Variants in ZDHHC2 observed in about 807,000 individuals in gnomAD.
ZDHHC2 encodes zDHHC palmitoyltransferase 2.
ZDHHC2 carries 51 observed loss-of-function variants against 55.6 expected under a neutral mutation model. That is an observed-to-expected ratio of 0.92 (90% CI 0.73 to 1.16). ZDHHC2 has a LOEUF of 1.16. ZDHHC2 is among the 50% of genes most tolerant of loss of function. The probability of loss-of-function intolerance (pLI) is 0.00; values close to 1 mark genes in which losing one functional copy is unlikely to be tolerated. For synonymous variants in ZDHHC2, 199 were observed against 152.9 expected (o/e 1.30, Z -2.22); for missense variants, 491 against 442.4 (o/e 1.11, Z -0.99).
Position 17,204,130 on chromosome 8 carries a change from T to G in ZDHHC2, c.477-1525T>G, listed in dbSNP as rs1806970920. On this transcript the variant is annotated intron_variant, in intron 6 of 12. Coordinates refer to ENST00000262096, the MANE Select transcript of ZDHHC2 (RefSeq NM_016353.5). ...CAACTTGTGGCTTCTTTATAAATTA[T>G]TTGCCCATATGTAAGACCTTTAAGT... is the stretch of plus-strand genomic sequence containing the variant. 3.3e-5 allele frequency among the ~76,000 whole-genome samples: 5 copies of G among 152,220 alleles called. No homozygotes were observed. In the South Asian group the frequency reaches 1.0e-3, roughly 31 times the overall value.
chr8:17,183,654 C>T (rs1367283676), intron 1 of ZDHHC2, among the ~76,000 whole-genome samples: 3 of 152,160 alleles, frequency 2.0e-5, no homozygotes. Context: ...GACACTATAA[C>T]ATCAAATATG....
chr8:17,180,368 T>A (rs973199388), intron 1 of ZDHHC2, among the ~76,000 whole-genome samples: 5 of 152,216 alleles, frequency 3.3e-5, no homozygotes, highest in African/African-American at 9.7e-5. Context: ...AAAAAGGCAA[T>A]TGACTTATAA....
intron 5 of ZDHHC2, 86 bp downstream of exon 5, chr8:17,197,737 A>G: frequency 7.3e-7 from 1 of 1,377,724 alleles, no homozygotes; most frequent in Non-Finnish European, 1.0e-6. Flanking sequence ...TTTCCTGATT[A>G]TCTTCTCCAT....
At position 17,205,672 on chromosome 8, in the gene ZDHHC2, G is replaced by C. The variant is rs1807062704; in HGVS notation, c.494G>C (p.Gly165Ala). ...HHCPWVNNCVGFSNYKFFLLF... is the reference protein window; with the variant it reads ...HHCPWVNNCVAFSNYKFFLLF... ...GTTAACAGGGTGAACAATTGTGTTG[G>C]ATTTTCAAATTATAAGTTCTTTCTC... is the stretch of plus-strand genomic sequence containing the variant. The change falls in exon 7 of 13, where the codon GGA (glycine) becomes GCA (alanine). Residue 165 changes from glycine (G) to alanine (A), a missense_variant. By Grantham distance (60) the Gly-to-Ala change is moderately conservative (BLOSUM62 0). Coordinates refer to ENST00000262096, the MANE Select transcript of ZDHHC2 (RefSeq NM_016353.5). 6.2e-7 allele frequency: 1 copy of C among 1,604,204 alleles called. No individual in the cohort carries two copies. The highest frequency in any genetic ancestry group is 1.3e-5 in the African/African-American group (1 of 74,182).
intron 1 of ZDHHC2, among the ~76,000 whole-genome samples, chr8:17,184,504 C>A (rs560627472): frequency 2.0e-5 from 3 of 152,288 alleles, no homozygotes; most frequent in African/African-American, 7.2e-5. Flanking sequence ...CCAAATGATA[C>A]AGAAATAAGA....
At chr8:17,194,944 C>A (rs556668404) in intron 3 of ZDHHC2, among the ~76,000 whole-genome samples, 1 of 151,934 alleles carries the variant, frequency 6.6e-6, no homozygotes, top group Non-Finnish European at 1.5e-5. Flanking sequence ...TAAACAGAAG[C>A]CCAAATTTTC....
chr8:17,186,892 T>C (rs1202316214), intron 3 of ZDHHC2, among the ~76,000 whole-genome samples: 1 of 152,224 alleles, frequency 6.6e-6, no homozygotes, highest in African/African-American at 2.4e-5. Context: ...CTATCTTGTT[T>C]CTCTGCCACG....
rs1355763183 is a variant in ZDHHC2 at position 17,164,312 on chromosome 8, G to A, written c.130+7459G>A. 2.6e-5 allele frequency among the ~76,000 whole-genome samples: 4 copies of A among 152,092 alleles called. No homozygotes were observed. The East Asian group carries it at 7.7e-4, about 29-fold the overall frequency. On this transcript the variant is annotated intron_variant, in intron 1 of 12. Transcript: ENST00000262096. ...ATTATATGCTGCATTTCTCGTCTTA[G>A]CACTTCACTCTGAAGTGCATACTTA...
At chr8:17,198,356 T>C (rs1014195322) in intron 5 of ZDHHC2, 25 bp from the exon 6 acceptor site, 1 of 1,593,544 alleles carries the variant, frequency 6.3e-7, no homozygotes, top group Non-Finnish European at 8.5e-7. Flanking sequence ...GGGTATTAGG[T>C]TTTGTGTTCT....
At chr8:17,170,227 C>T (rs1447614147) in intron 1 of ZDHHC2, among the ~76,000 whole-genome samples, 2 of 152,304 alleles carry the variant, frequency 1.3e-5, no homozygotes, top group East Asian at 3.9e-4. Flanking sequence ...GAAAATAGTG[C>T]TTCTCAGTGA....
rs967927830 is a variant in ZDHHC2 at position 17,224,568 on chromosome 8, TTTGA to T, written c.*4353_*4356del. On this transcript the variant is annotated 3_prime_UTR_variant, in exon 13 of 13. Coordinates refer to ENST00000262096, the MANE Select transcript of ZDHHC2 (RefSeq NM_016353.5). ...ATTAATGCTTAATATATTGCTTCTGTTTGATTGATAAAGGTGCTTAATCAATTGA... is the reference window on the plus strand; with the variant it reads ...ATTAATGCTTAATATATTGCTTCTGTTTGATAAAGGTGCTTAATCAATTGA... 1.6e-4 allele frequency: 25 copies of T among 151,604 alleles called. No homozygotes were observed. Among genetic ancestry groups the T allele is most frequent in the Non-Finnish European group, 2.5e-4 (17 of 67,702 alleles). 9.4% of individuals were successfully genotyped at this position (151,604 alleles called of 1,614,324 possible).
At chr8:17,209,575 G>C (rs2904678) in intron 8 of ZDHHC2, among the ~76,000 whole-genome samples, 147,550 of 152,298 alleles carry the variant, frequency 0.97, 71,663 homozygotes, top group East Asian at 1. Flanking sequence ...AAAAATACAC[G>C]TGTAGATTTG....
intron 6 of ZDHHC2, among the ~76,000 whole-genome samples, chr8:17,199,351 G>A (rs568520782): frequency 9.3e-5 from 14 of 150,992 alleles, no homozygotes; most frequent in South Asian, 2.1e-4. Flanking sequence ...AATAAATAAC[G>A]CCCCCTTCGT....
chr8:17,198,514 G>A lies in ZDHHC2; in HGVS notation c.476+101G>A, dbSNP rs1806442404. The A allele has an allele frequency of 6.3e-6, 7 of 1,117,858 alleles. No homozygotes were observed. In the East Asian group the frequency reaches 2.0e-4, roughly 32 times the overall value. 69.2% of individuals were successfully genotyped at this position (1,117,858 alleles called of 1,614,324 possible). Reference sequence around the variant, plus strand: ...TCTTTTCACACATGAAATATTACTTGAGTTGACATAGCAGGAACTTTTGGA... The same window carrying A: ...TCTTTTCACACATGAAATATTACTTAAGTTGACATAGCAGGAACTTTTGGA... On this transcript the variant is annotated intron_variant, in intron 6 of 12. Coordinates refer to ENST00000262096, the MANE Select transcript of ZDHHC2 (RefSeq NM_016353.5).
chr8:17,172,793 C>G (rs143082888), intron 1 of ZDHHC2, among the ~76,000 whole-genome samples: 12 of 152,186 alleles, frequency 7.9e-5, no homozygotes, highest in African/African-American at 2.9e-4. Flanking sequence ...CTTTCTTCTG[C>G]TTTGGATGGA....
At chr8:17,173,060 T>C (rs1804943198) in intron 1 of ZDHHC2, among the ~76,000 whole-genome samples, 2 of 152,172 alleles carry the variant, frequency 1.3e-5, no homozygotes, top group African/African-American at 4.8e-5. Context: ...CCCTACTTTC[T>C]AGAGTGACCC....
At chr8:17,201,172 T>G (rs1806742670) in intron 6 of ZDHHC2, among the ~76,000 whole-genome samples, 1 of 152,182 alleles carries the variant, frequency 6.6e-6, no homozygotes, top group South Asian at 2.1e-4. Context: ...TCTCCCCACC[T>G]TCTTCCACTA....
At chr8:17,188,398 A>G (rs1198141069) in intron 3 of ZDHHC2, among the ~76,000 whole-genome samples, 2 of 152,106 alleles carry the variant, frequency 1.3e-5, no homozygotes, top group Non-Finnish European at 2.9e-5. Context: ...TCAATTTCTG[A>G]CTTTATACTT....
Position 17,190,362 on chromosome 8 carries a change from T to C in ZDHHC2, c.252+3937T>C, listed in dbSNP as rs141130356. Among the ~76,000 whole-genome samples the C allele has an allele frequency of 3.7e-3, 560 of 152,312 alleles. 5 individuals carry two copies. The highest frequency in any genetic ancestry group is 0.012 in the African/African-American group (498 of 41,582). On this transcript the variant is annotated intron_variant, in intron 3 of 12. Coordinates refer to ENST00000262096, the MANE Select transcript of ZDHHC2 (RefSeq NM_016353.5). ...TTAGGGGAACATGATCAAAAGAGTT[T>C]GGAGACCACTGTTAGGAAGAAAGAG...
Sources: gnomAD v4.1 joint callset for allele counts (sites outside exome capture counted in the v4.1 genomes callset) on GRCh38, gnomAD v4.1.1 for gene constraint, MANE v1.5 for transcripts, NCBI Gene and HGNC (gene_info 2026-07-23, HGNC 2026-07-21) for gene names.